The following IL1RAPL1 variants were observed in gnomAD, a reference collection of about 807,000 sequenced individuals.
The protein encoded by IL1RAPL1 is interleukin-1 receptor accessory protein-like 1.
IL1RAPL1 carries 3 observed loss-of-function variants against 48.4 expected under a neutral mutation model. That is an observed-to-expected ratio of 0.06 (90% CI 0.03 to 0.16). The LOEUF (loss-of-function observed/expected upper bound fraction) is 0.16. Among genes scored for constraint, IL1RAPL1 ranks in the 10% least tolerant of loss-of-function variants. The pLI, the probability that IL1RAPL1 is intolerant of heterozygous loss-of-function variation, is 1.00. For missense variants in IL1RAPL1, 349 were observed against 530.6 expected, an observed-to-expected ratio of 0.66 and a Z score of 3.36; for synonymous variants, 185 against 187.7, an observed-to-expected ratio of 0.99 and a Z score of 0.12.
chrX:29,791,876 A>G (rs1929646049), intron 6 of IL1RAPL1, among the ~76,000 whole-genome samples: 1 of 108,894 alleles, frequency 9.2e-6, no homozygotes, highest in African/African-American at 3.3e-5. Context: ...GACTACAGGC[A>G]CGCACCAATA....
chrX:29,799,262 CTTGAA>C lies in IL1RAPL1; in HGVS notation c.779-118195_779-118191del, dbSNP rs747002416. 5.3e-5 allele frequency among the ~76,000 whole-genome samples: 6 copies of C among 112,222 alleles called. No individual in the cohort carries two copies. In the South Asian group the frequency reaches 1.1e-3, roughly 21 times the overall value. On this transcript the variant is annotated intron_variant, in intron 6 of 10. Coordinates refer to ENST00000378993, the MANE Select transcript of IL1RAPL1 (RefSeq NM_014271.4). ...AAAGCAGCTGTTTCGTTATACTTTT[CTTGAA>C]TTGAATAGCCATAAGAGCTTTCTTA...
intron 2 of IL1RAPL1, among the ~76,000 whole-genome samples, chrX:29,118,262 C>G (rs748542509): frequency 8.9e-6 from 1 of 111,805 alleles, no homozygotes; most frequent in African/African-American, 3.2e-5. Context: ...TTGTTAAGTG[C>G]GAAGCTCTGA....
chrX:29,144,603 C>CAAAA (rs1235048808), intron 2 of IL1RAPL1, among the ~76,000 whole-genome samples: 2 of 21,845 alleles, frequency 9.2e-5, no homozygotes, highest in African/African-American at 1.5e-4. Flanking sequence ...AACTCAGTCT[C>CAAAA]AAAAAAAAAA....
intron 2 of IL1RAPL1, among the ~76,000 whole-genome samples, chrX:29,064,390 T>A (rs1212008476): frequency 3.6e-5 from 4 of 111,032 alleles, no homozygotes; most frequent in Non-Finnish European, 5.7e-5. Context: ...ATTTACAGAT[T>A]TGACTATTTT....
intron 2 of IL1RAPL1, among the ~76,000 whole-genome samples, chrX:29,016,847 G>A (rs17333817): frequency 0.13 from 14,230 of 110,608 alleles, 1,350 homozygotes; most frequent in African/African-American, 0.32. Flanking sequence ...TGAAGTCCAC[G>A]CAGAGTAAAA....
intron 2 of IL1RAPL1, among the ~76,000 whole-genome samples, chrX:28,845,361 C>T (rs770591074): frequency 9.0e-6 from 1 of 110,869 alleles, no homozygotes; most frequent in Non-Finnish European, 1.9e-5. Flanking sequence ...ATTCAACACA[C>T]ATTACTTTAA....
At chrX:29,344,728 C>G (rs1181903225) in intron 3 of IL1RAPL1, among the ~76,000 whole-genome samples, 6 of 111,975 alleles carry the variant, frequency 5.4e-5, no homozygotes. Context: ...ACCTCCACCT[C>G]CCTGGTTCAA....
intron 2 of IL1RAPL1, among the ~76,000 whole-genome samples, chrX:29,087,387 C>T (rs750764699): frequency 1.8e-5 from 2 of 110,458 alleles, no homozygotes; most frequent in African/African-American, 3.3e-5. Flanking sequence ...CTGCCCGCCT[C>T]GGCCTCCCAA....
At chrX:29,119,233 ACATT>A (rs758777753) in intron 2 of IL1RAPL1, among the ~76,000 whole-genome samples, 2 of 111,323 alleles carry the variant, frequency 1.8e-5, no homozygotes, top group African/African-American at 6.5e-5. Context: ...GAACACATAA[ACATT>A]ATACCTACAT....
intron 6 of IL1RAPL1, among the ~76,000 whole-genome samples, chrX:29,903,196 G>GAGAGAGAGAGAGAGAGACAGAGAC: frequency 9.2e-6 from 1 of 108,660 alleles, no homozygotes; most frequent in Admixed American, 1.0e-4. Flanking sequence ...GAGAGAGAGA[G>GAGAGAGAGAGAGAGAGACAGAGAC]AGAGAGAGAC....
intron 6 of IL1RAPL1, among the ~76,000 whole-genome samples, chrX:29,791,301 A>G (rs1405759295): frequency 8.9e-6 from 1 of 111,914 alleles, no homozygotes; most frequent in East Asian, 2.8e-4. Context: ...ATCCTGGTGT[A>G]TAATTCATGC....
At chrX:28,995,541 A>G (rs993625056) in intron 2 of IL1RAPL1, among the ~76,000 whole-genome samples, 11 of 111,347 alleles carry the variant, frequency 9.9e-5, no homozygotes, top group African/African-American at 3.6e-4. Context: ...GTCTTCTTTG[A>G]GGTTTTCATT....
At chrX:29,937,378 A>G (rs771870017) in intron 8 of IL1RAPL1, among the ~76,000 whole-genome samples, 1 of 112,234 alleles carries the variant, frequency 8.9e-6, no homozygotes, top group Non-Finnish European at 1.9e-5. Flanking sequence ...CACCATTTAC[A>G]TTGTAATGTA....
intron 2 of IL1RAPL1, among the ~76,000 whole-genome samples, chrX:29,215,562 G>A (rs1930851419): frequency 9.1e-6 from 1 of 110,288 alleles, no homozygotes; most frequent in Non-Finnish European, 1.9e-5. Flanking sequence ...GTATAGAGAG[G>A]CAGAACATTA....
chrX:29,853,573 G>C (rs1325087027), intron 6 of IL1RAPL1, among the ~76,000 whole-genome samples: 1 of 110,681 alleles, frequency 9.0e-6, no homozygotes, highest in Non-Finnish European at 1.9e-5. Flanking sequence ...ACTTTTATGG[G>C]TAACACTTGT....
At chrX:29,837,273 ATAT>A (rs1333192204) in intron 6 of IL1RAPL1, among the ~76,000 whole-genome samples, 24 of 59,311 alleles carry the variant, frequency 4.0e-4, no homozygotes, top group Non-Finnish European at 6.0e-4. Flanking sequence ...AAAAAAAAAA[ATAT>A]ATATATATAT....
intron 6 of IL1RAPL1, among the ~76,000 whole-genome samples, chrX:29,836,172 T>C (rs1439505331): frequency 3.2e-5 from 3 of 92,795 alleles, no homozygotes; most frequent in Non-Finnish European, 4.5e-5. Flanking sequence ...TTTTGGTATG[T>C]TGTGTTTTCA....
At chrX:28,979,788 G>A (rs188392608) in intron 2 of IL1RAPL1, among the ~76,000 whole-genome samples, 1 of 111,704 alleles carries the variant, frequency 9.0e-6, no homozygotes, top group African/African-American at 3.3e-5. Context: ...TTTGGCAATG[G>A]CAATGTATTC....
chrX:29,664,946 T>C (rs903097842), intron 5 of IL1RAPL1, among the ~76,000 whole-genome samples: 15 of 112,550 alleles, frequency 1.3e-4, no homozygotes, highest in Admixed American at 6.6e-4. Flanking sequence ...ACTGAGACAT[T>C]AATAACTCTG....
Sources: gnomAD v4.1 joint callset for allele counts (sites outside exome capture counted in the v4.1 genomes callset) on GRCh38, gnomAD v4.1.1 for gene constraint, MANE v1.5 for transcripts, NCBI Gene and HGNC (gene_info 2026-07-23, HGNC 2026-07-21) for gene names.